Variants in ASAP1 observed in about 807,000 individuals in gnomAD.
ASAP1 encodes arf-GAP with SH3 domain, ANK repeat and PH domain-containing protein 1.
A neutral mutation model predicts 145.2 loss-of-function variants in ASAP1; 43 were observed. The observed-to-expected ratio is 0.30, with a 90% confidence interval of 0.23 to 0.38. ASAP1 has a LOEUF of 0.38. Among genes scored for constraint, ASAP1 ranks in the 10% least tolerant of loss-of-function variants. ASAP1 has a pLI of 1.00. For missense variants in ASAP1, 1,018 were observed against 1,355.3 expected, an observed-to-expected ratio of 0.75 and a Z score of 3.91; for synonymous variants, 546 against 515.5, an observed-to-expected ratio of 1.06 and a Z score of -0.80.
At chr8:130,222,260 CTA>C (rs34233859) in intron 4 of ASAP1, among the ~76,000 whole-genome samples, 9,670 of 152,220 alleles carry the variant, frequency 0.064, 1,035 homozygotes, top group African/African-American at 0.22. Flanking sequence ...CTAACTGACA[CTA>C]TGTGTTATAC....
chr8:130,060,195 C>G (rs2097415722), intron 28 of ASAP1, among the ~76,000 whole-genome samples: 1 of 151,698 alleles, frequency 6.6e-6, no homozygotes, highest in Admixed American at 6.6e-5. Context: ...CTCAAGGTTC[C>G]TAGGTAATAG....
At chr8:130,192,352 C>G (rs1815197961) in intron 5 of ASAP1, among the ~76,000 whole-genome samples, 1 of 151,526 alleles carries the variant, frequency 6.6e-6, no homozygotes, top group Non-Finnish European at 1.5e-5. Flanking sequence ...GGGACTATGT[C>G]TAAAAAGGCT....
intron 15 of ASAP1, among the ~76,000 whole-genome samples, chr8:130,128,809 G>A (rs1168101780): frequency 2.0e-5 from 3 of 152,208 alleles, no homozygotes; most frequent in African/African-American, 7.2e-5. Flanking sequence ...GAACAGTTAA[G>A]CAGGCATTAA....
intron 7 of ASAP1, among the ~76,000 whole-genome samples, chr8:130,185,432 C>G (rs558802014): frequency 6.6e-6 from 1 of 152,040 alleles, no homozygotes; most frequent in South Asian, 2.1e-4. Context: ...GAGGACAATA[C>G]AGAAAAATGA....
chr8:130,248,245 G>C (rs1050986961), intron 3 of ASAP1, among the ~76,000 whole-genome samples: 1 of 152,038 alleles, frequency 6.6e-6, no homozygotes, highest in South Asian at 2.1e-4. Flanking sequence ...GGGGGAGTGC[G>C]GAATGAACAG....
chr8:130,055,878 G>C (rs918218008), intron 29 of ASAP1, among the ~76,000 whole-genome samples: 3 of 152,250 alleles, frequency 2.0e-5, no homozygotes, highest in African/African-American at 7.2e-5. Context: ...CACCGCGTGT[G>C]GTCTTAGTTG....
At chr8:130,300,807 G>T (rs1822613875) in intron 3 of ASAP1, among the ~76,000 whole-genome samples, 1 of 152,204 alleles carries the variant, frequency 6.6e-6, no homozygotes, top group African/African-American at 2.4e-5. Context: ...CTTTGGCCAA[G>T]AAAGAAGGAA....
chr8:130,414,537 T>C (rs1330280370), intron 1 of ASAP1, among the ~76,000 whole-genome samples: 1 of 152,158 alleles, frequency 6.6e-6, no homozygotes, highest in East Asian at 1.9e-4. Flanking sequence ...GCATTAATAA[T>C]ATTAAACTCA....
At chr8:130,125,708 C>T (rs775167518) in intron 17 of ASAP1, among the ~76,000 whole-genome samples, 87 of 152,046 alleles carry the variant, frequency 5.7e-4, no homozygotes, top group Non-Finnish European at 1.1e-3. Flanking sequence ...GAAGACCATC[C>T]CAAAAGAAAA....
chr8:130,059,816 G>A (rs1305046681), intron 28 of ASAP1, among the ~76,000 whole-genome samples: 3 of 152,048 alleles, frequency 2.0e-5, no homozygotes, highest in Non-Finnish European at 2.9e-5. Context: ...AGTGGCTCAC[G>A]CCTGTAATCC....
chr8:130,265,012 AG>A (rs1370000274), intron 3 of ASAP1, among the ~76,000 whole-genome samples: 7 of 152,210 alleles, frequency 4.6e-5, no homozygotes, highest in African/African-American at 1.7e-4. Context: ...CTGGTGTACA[AG>A]GAAGTGGTAA....
chr8:130,382,427 A>C (rs1449109171), intron 2 of ASAP1, among the ~76,000 whole-genome samples: 1 of 152,214 alleles, frequency 6.6e-6, no homozygotes, highest in Non-Finnish European at 1.5e-5. Flanking sequence ...GTGCTTAATA[A>C]AGATGTGTTG....
intron 27 of ASAP1, among the ~76,000 whole-genome samples, chr8:130,073,431 A>C (rs79480760): frequency 6.6e-6 from 1 of 151,282 alleles, no homozygotes; most frequent in East Asian, 1.9e-4. Context: ...AGCTTTCCAG[A>C]TGGGTGTAAA....
chr8:130,399,574 A>C (rs568959060), intron 2 of ASAP1, among the ~76,000 whole-genome samples: 1 of 152,298 alleles, frequency 6.6e-6, no homozygotes, highest in African/African-American at 2.4e-5. Context: ...AAAGCCTCTC[A>C]GGTTGGCCTC....
chr8:130,410,922 G>C (rs1043938830), intron 1 of ASAP1, among the ~76,000 whole-genome samples: 1 of 152,118 alleles, frequency 6.6e-6, no homozygotes, highest in South Asian at 2.1e-4. Flanking sequence ...GTGCAGTGAC[G>C]TAATCTCCGC....
chr8:130,093,572 C>G (rs62524629), intron 24 of ASAP1, among the ~76,000 whole-genome samples: 25,395 of 147,740 alleles, frequency 0.17, 2,613 homozygotes, highest in East Asian at 0.45. Context: ...GAGGCTGAGG[C>G]TGGAGAATCG....
chr8:130,354,515 C>T (rs1441749208), intron 3 of ASAP1, among the ~76,000 whole-genome samples: 2 of 152,186 alleles, frequency 1.3e-5, no homozygotes, highest in Non-Finnish European at 2.9e-5. Flanking sequence ...AAGTATTAGC[C>T]ACTCTAAGTC....
chr8:130,167,720 A>C (rs184782167), intron 10 of ASAP1, 98 bp from the exon 11 acceptor site: 2 of 890,802 alleles, frequency 2.2e-6, no homozygotes, highest in Non-Finnish European at 3.6e-6. Flanking sequence ...TCTATTATAT[A>C]TTTGGTTTTC....
At chr8:130,274,663 T>C (rs1202388620) in intron 3 of ASAP1, among the ~76,000 whole-genome samples, 1 of 152,238 alleles carries the variant, frequency 6.6e-6, no homozygotes, top group African/African-American at 2.4e-5. Flanking sequence ...TTCATTCAAG[T>C]CCGAGTGATC....
Sources: allele counts gnomAD v4.1 joint callset (sites outside exome capture counted in the v4.1 genomes callset), GRCh38; gene constraint gnomAD v4.1.1; transcripts MANE v1.5; gene names NCBI Gene and HGNC (gene_info 2026-07-23, HGNC 2026-07-21).